The following TTC21B variants were observed in gnomAD, a reference collection of about 807,000 sequenced individuals.
TTC21B encodes the protein tetratricopeptide repeat domain 21B.
A neutral mutation model predicts 175.1 loss-of-function variants in TTC21B; 127 were observed. The ratio of observed to expected loss-of-function variants is 0.73; its 90% confidence interval spans 0.63 to 0.84. The LOEUF is 0.84. Ranked by LOEUF, TTC21B falls within the 40% of genes least tolerant of loss-of-function variation. The pLI is 0.00. For synonymous variants in TTC21B, 524 were observed against 524.5 expected (o/e 1.00, Z 0.01); for missense variants, 1,561 against 1,558.3 (o/e 1.00, Z -0.03).
At chr2:165,903,693 C>T (rs906075830) in intron 19 of TTC21B, among the ~76,000 whole-genome samples, 2 of 152,166 alleles carry the variant, frequency 1.3e-5, no homozygotes, top group Non-Finnish European at 2.9e-5. Context: ...ATTCCTAAGA[C>T]TTGAGATTTC....
At chr2:165,918,864 AAAG>A (rs1328935064) in intron 13 of TTC21B, among the ~76,000 whole-genome samples, 1 of 152,330 alleles carries the variant, frequency 6.6e-6, no homozygotes, top group East Asian at 1.9e-4. Flanking sequence ...ATGAATCTAA[AAAG>A]AAGTTATTAA....
chr2:165,929,459 G>A (rs1434210083), intron 10 of TTC21B, 124 bp from the exon 11 acceptor site: 3 of 953,758 alleles, frequency 3.1e-6, no homozygotes, highest in Non-Finnish European at 4.8e-6. Flanking sequence ...TCAAGTATTA[G>A]CTTGAATAGA....
intron 11 of TTC21B, among the ~76,000 whole-genome samples, chr2:165,928,239 T>C (rs1434013970): frequency 6.6e-6 from 1 of 152,070 alleles, no homozygotes; most frequent in African/African-American, 2.4e-5. Flanking sequence ...AACATGGAAT[T>C]ATGAGATGAA....
At chr2:165,948,305 CTT>C (rs561228715) in intron 3 of TTC21B, 1 of 152,240 alleles carries the variant, frequency 6.6e-6, no homozygotes, top group Admixed American at 6.5e-5. Context: ...GGAATTTAAT[CTT>C]TGTGTTTTTT....
At chr2:165,888,837 G>A (rs1355721877) in intron 24 of TTC21B, among the ~76,000 whole-genome samples, 7 of 151,972 alleles carry the variant, frequency 4.6e-5, no homozygotes, top group Non-Finnish European at 8.8e-5. Context: ...AAAAGTGAAA[G>A]GAAAGGAAAA....
intron 20 of TTC21B, among the ~76,000 whole-genome samples, 155 bp from the exon 21 acceptor site, chr2:165,900,035 T>G (rs550583970): frequency 6.9e-6 from 1 of 145,308 alleles, no homozygotes; most frequent in Non-Finnish European, 1.5e-5. Context: ...CAACAGTATG[T>G]ATACCCATCT....
In TTC21B at chr2:165,949,406, TC is replaced by T; in HGVS notation, c.249del (p.Met83IlefsTer17). On this transcript the variant is annotated frameshift_variant, in exon 3 of 29. Transcript: ENST00000243344. LOFTEE classifies it high-confidence loss of function. ...SLLALIYAHK[M>X]SPNPDREAIL... Reference sequence around the variant, plus strand: ...TTAAATATCATACCTGGATTAGGACTCATTTTATGGGCATATATCAGTGCAA... The same window carrying T: ...TTAAATATCATACCTGGATTAGGACTATTTTATGGGCATATATCAGTGCAA... 1.9e-6 allele frequency: 3 copies of T among 1,610,316 alleles called. No homozygotes were observed. Among genetic ancestry groups the T allele is most frequent in the Non-Finnish European group, 2.5e-6 (3 of 1,176,596 alleles).
intron 27 of TTC21B, among the ~76,000 whole-genome samples, chr2:165,878,901 C>T (rs941117458): frequency 9.2e-5 from 14 of 152,018 alleles, no homozygotes; most frequent in Non-Finnish European, 1.3e-4. Flanking sequence ...AGGCTAGTTT[C>T]GAACTCCTGA....
intron 22 of TTC21B, among the ~76,000 whole-genome samples, chr2:165,894,567 T>C (rs951511372): frequency 6.7e-4 from 102 of 152,080 alleles, no homozygotes; most frequent in African/African-American, 2.4e-3. Context: ...CAATAAAAAT[T>C]TACTTAAAAT....
Position 165,931,795 on chromosome 2 carries a change from T to G in TTC21B, c.857A>C (p.Gln286Pro). Residue 286 changes from glutamine (Q) to proline (P), a missense_variant, in exon 8 of 29, where the codon CAA becomes CCA. Gln to Pro is a moderately conservative substitution (Grantham distance 76, BLOSUM62 -1). Transcript: ENST00000243344. ...GGCGAGTGTAATGTTATAGAAAAGT[T>G]GAGCATTCTGTGGTTCCATGGCATC... Reference protein sequence around the residue: ...TLDAMEPQNAQLFYNITLAFS... With the variant: ...TLDAMEPQNAPLFYNITLAFS... 1 of 1,613,632 alleles carries G rather than the reference T, an allele frequency of 6.2e-7. No homozygotes were observed. The highest frequency in any genetic ancestry group is 8.5e-7 in the Non-Finnish European group (1 of 1,179,634).
At chr2:165,922,613 G>C (rs1686456439) in intron 12 of TTC21B, among the ~76,000 whole-genome samples, 1 of 149,302 alleles carries the variant, frequency 6.7e-6, no homozygotes, top group Non-Finnish European at 1.5e-5. Context: ...TGGTCAAAGG[G>C]AACACTTATA....
In TTC21B at chr2:165,898,666, T is replaced by C; in HGVS notation, c.2950+20A>G. 1 of 1,549,916 alleles carries C rather than the reference T, an allele frequency of 6.5e-7. No individual in the cohort carries two copies. The highest frequency in any genetic ancestry group is 1.1e-5 in the South Asian group (1 of 89,814). On this transcript the variant is annotated intron_variant, in intron 22 of 28. Transcript: ENST00000243344. ...GGGAGGGGTGACTGCACTCAAAAAA[T>C]ACAATAAGTAGGTATTTACCTGGCT...
rs1687352789 is a variant in TTC21B, at chr2:165,941,128, C to G, written c.609G>C (p.Gln203His). The G allele has an allele frequency of 6.2e-7, 1 of 1,613,926 alleles. No homozygotes were observed. Among genetic ancestry groups the G allele is most frequent in the Non-Finnish European group, 8.5e-7 (1 of 1,179,864 alleles). The change falls in exon 6 of 29, where the codon CAG becomes CAC. Residue 203 changes from glutamine to histidine, a missense_variant. Coordinates refer to ENST00000243344, the MANE Select transcript of TTC21B (RefSeq NM_024753.5). ...GGAAGCTCGGAAAATTCACGATTAT[C>G]TGGTTCACAGTCTCCAGGGCACCTG... ...NYSGALETVNQIIVNFPSFLP... is the reference protein window; with the variant it reads ...NYSGALETVNHIIVNFPSFLP...
intron 1 of TTC21B, among the ~76,000 whole-genome samples, chr2:165,951,195 C>T (rs1421144086): frequency 6.6e-6 from 1 of 152,198 alleles, no homozygotes; most frequent in Non-Finnish European, 1.5e-5. Flanking sequence ...TAATACCTTA[C>T]TTGACTTCTG....
intron 11 of TTC21B, among the ~76,000 whole-genome samples, chr2:165,924,888 C>T (rs1347141029): frequency 6.6e-6 from 1 of 152,114 alleles, no homozygotes; most frequent in East Asian, 1.9e-4. Context: ...CAAATAATGG[C>T]TCTTGTTCAG....
chr2:165,890,183 A>G (rs566331954), intron 24 of TTC21B, among the ~76,000 whole-genome samples: 1 of 152,342 alleles, frequency 6.6e-6, no homozygotes, highest in African/African-American at 2.4e-5. Context: ...ACAGTTGTCA[A>G]ATTCTACAAT....
intron 22 of TTC21B, among the ~76,000 whole-genome samples, chr2:165,891,691 T>C (rs539575439): frequency 6.6e-5 from 10 of 152,216 alleles, no homozygotes; most frequent in African/African-American, 1.7e-4. Context: ...TTCTCTCTTA[T>C]CAGTAACAAA....
intron 27 of TTC21B, chr2:165,879,601 A>G (rs1684777034): frequency 6.6e-6 from 1 of 152,226 alleles, no homozygotes; most frequent in Non-Finnish European, 1.5e-5. Context: ...TGCCTAATCA[A>G]AAGAAAAAAA....
intron 27 of TTC21B, among the ~76,000 whole-genome samples, chr2:165,878,871 G>A (rs546925284): frequency 8.7e-4 from 132 of 151,954 alleles, no homozygotes; most frequent in African/African-American, 2.9e-3. Context: ...TAGTAGAGAC[G>A]GAGTTTCACC....
Sources: gnomAD v4.1 joint callset for allele counts (sites outside exome capture counted in the v4.1 genomes callset) on GRCh38, gnomAD v4.1.1 for gene constraint, MANE v1.5 for transcripts, NCBI Gene and HGNC (gene_info 2026-07-23, HGNC 2026-07-21) for gene names.